Variants in SIM1 observed in about 807,000 individuals in gnomAD.
SIM1 encodes the protein SIM bHLH transcription factor 1.
SIM1 carries 18 observed loss-of-function variants against 78.2 expected under a neutral mutation model. The observed-to-expected ratio is 0.23, with a 90% CI of 0.16 to 0.34. SIM1 has a LOEUF of 0.34. SIM1 is among the 10% of genes least tolerant of loss of function. SIM1 has a pLI of 1.00. For missense variants in SIM1, 939 were observed against 975.1 expected (o/e 0.96, Z 0.49); for synonymous variants, 417 against 385.2 (o/e 1.08, Z -0.97).
At chr6:100,434,901 G>C (rs1039229223) in intron 9 of SIM1, among the ~76,000 whole-genome samples, 10 of 152,118 alleles carry the variant, frequency 6.6e-5, no homozygotes, top group African/African-American at 2.4e-4. Context: ...GCGGGGGTGG[G>C]GGAAGGATCC....
rs1277145525 is a variant in SIM1, at chr6:100,420,703, A to C, written c.1167+87T>G. 3.1e-6 allele frequency: 4 copies of C among 1,297,206 alleles called. No individual in the cohort carries two copies. In the Admixed American group the frequency reaches 7.1e-5, roughly 23 times the overall value. The allele number at this position is 1,297,206 out of a possible 1,614,324, so 80.4% of individuals were successfully genotyped here. ...TTTAGTTATTAAAACTAGATAATTC[A>C]TTCCAAATAGTTTTAATACTTTCTC... On this transcript the variant is annotated intron_variant, in intron 10 of 11. Transcript: ENST00000369208.
intron 10 of SIM1, among the ~76,000 whole-genome samples, chr6:100,404,751 C>T (rs1306725728): frequency 6.6e-6 from 1 of 152,002 alleles, no homozygotes; most frequent in Non-Finnish European, 1.5e-5. Context: ...TTGGAAATTG[C>T]CAGGAGTTTT....
At chr6:100,409,158 G>T (rs1423179778) in intron 10 of SIM1, among the ~76,000 whole-genome samples, 2 of 152,008 alleles carry the variant, frequency 1.3e-5, no homozygotes, top group Admixed American at 1.3e-4. Flanking sequence ...CAACGTGCAG[G>T]TTAGTTACAT....
At chr6:100,447,137 C>A in intron 9 of SIM1, 131 bp downstream of exon 9, 1 of 965,384 alleles carries the variant, frequency 1.0e-6, no homozygotes, top group Non-Finnish European at 1.5e-6. Flanking sequence ...CTTGGCGCAG[C>A]CAGCACTCGA....
At chr6:100,459,866 C>A (rs183755478) in intron 2 of SIM1, among the ~76,000 whole-genome samples, 8 of 152,314 alleles carry the variant, frequency 5.3e-5, no homozygotes, top group African/African-American at 1.7e-4. Context: ...ATATGTATGT[C>A]TTTCTAGTTG....
chr6:100,391,374 A>G (rs1770636109), intron 11 of SIM1, among the ~76,000 whole-genome samples: 1 of 152,226 alleles, frequency 6.6e-6, no homozygotes, highest in Admixed American at 6.5e-5. Context: ...GACAATTAGC[A>G]AAATGGTAAA....
intron 8 of SIM1, 60 bp downstream of exon 8, chr6:100,448,086 C>CA: frequency 3.6e-6 from 5 of 1,379,038 alleles, no homozygotes; most frequent in Non-Finnish European, 3.0e-6. Context: ...GTGGCTCCCC[C>CA]ACCCCCTAAC....
At chr6:100,425,244 C>A (rs1771696402) in intron 9 of SIM1, among the ~76,000 whole-genome samples, 1 of 152,176 alleles carries the variant, frequency 6.6e-6, no homozygotes, top group South Asian at 2.1e-4. Context: ...GACTGTAAGT[C>A]CAATTAAACC....
chr6:100,438,193 A>C (rs1562250724), intron 9 of SIM1, among the ~76,000 whole-genome samples: 1 of 152,242 alleles, frequency 6.6e-6, no homozygotes, highest in East Asian at 1.9e-4. Flanking sequence ...ATTGGAAGAA[A>C]ATATTTGCAA....
chr6:100,436,702 T>C (rs1772059398), intron 9 of SIM1, among the ~76,000 whole-genome samples: 1 of 151,976 alleles, frequency 6.6e-6, no homozygotes, highest in South Asian at 2.1e-4. Flanking sequence ...TTTGTTGTTG[T>C]CGTTGTTTTT....
At chr6:100,462,067 T>C (rs1044457539) in intron 2 of SIM1, among the ~76,000 whole-genome samples, 14 of 152,084 alleles carry the variant, frequency 9.2e-5, no homozygotes, top group Admixed American at 8.5e-4. Context: ...TTTGCAGGCT[T>C]TTTGACTTAG....
At chr6:100,451,603 G>C (rs955418698) in intron 3 of SIM1, among the ~76,000 whole-genome samples, 1 of 152,154 alleles carries the variant, frequency 6.6e-6, no homozygotes, top group Non-Finnish European at 1.5e-5. Flanking sequence ...GGAGATCAGA[G>C]AAGGCAGCTG....
At chr6:100,421,314 A>C (rs1771574793) in intron 9 of SIM1, among the ~76,000 whole-genome samples, 1 of 152,182 alleles carries the variant, frequency 6.6e-6, no homozygotes, top group Non-Finnish European at 1.5e-5. Context: ...GTCTACCACC[A>C]ATATAAGGAG....
intron 2 of SIM1, among the ~76,000 whole-genome samples, chr6:100,454,870 T>A (rs1254850999): frequency 6.6e-6 from 1 of 152,176 alleles, no homozygotes; most frequent in Non-Finnish European, 1.5e-5. Flanking sequence ...GTTAAGCTAT[T>A]TATGAGTATT....
Position 100,388,395 on chromosome 6 carries a change from C to A in SIM1, c.*1966G>T, listed in dbSNP as rs945260755. On this transcript the variant is annotated 3_prime_UTR_variant, in exon 12 of 12. Coordinates refer to ENST00000369208, the MANE Select transcript of SIM1 (RefSeq NM_005068.3). ...CATAAGTGAATCTGCACAGTTCAAACCCATGTTATTCAAGGGTCAACTGCA... is the reference window on the plus strand; with the variant it reads ...CATAAGTGAATCTGCACAGTTCAAAACCATGTTATTCAAGGGTCAACTGCA... 6.6e-6 allele frequency: 1 copy of A among 152,158 alleles called. No homozygotes were observed. Among genetic ancestry groups the A allele is most frequent in the Non-Finnish European group, 1.5e-5 (1 of 68,024 alleles). 9.4% of individuals were successfully genotyped at this position (152,158 alleles called of 1,614,324 possible).
At chr6:100,408,896 T>G (rs1226642334) in intron 10 of SIM1, among the ~76,000 whole-genome samples, 2 of 152,128 alleles carry the variant, frequency 1.3e-5, no homozygotes, top group Non-Finnish European at 1.5e-5. Context: ...CCTTTTTGGC[T>G]TCAGTATCAG....
chr6:100,450,847 CA>C (rs1772498052), intron 3 of SIM1, among the ~76,000 whole-genome samples: 1 of 151,976 alleles, frequency 6.6e-6, no homozygotes, highest in Non-Finnish European at 1.5e-5. Context: ...GGCTGGCAGT[CA>C]AAAGTTTGTA....
At chr6:100,391,209 A>G in intron 11 of SIM1, 118 bp from the exon 12 acceptor site, 1 of 1,108,964 alleles carries the variant, frequency 9.0e-7, no homozygotes, top group Non-Finnish European at 1.2e-6. Context: ...ATGCACCAAT[A>G]TTTGAAACAG....
Position 100,398,450 on chromosome 6 carries a change from T to A in SIM1, c.1168-4561A>T, listed in dbSNP as rs79666620. Among the ~76,000 whole-genome samples, 1,488 of 152,236 alleles carry A rather than the reference T, an allele frequency of 9.8e-3. 26 individuals carry two copies. The highest frequency in any genetic ancestry group is 0.034 in the African/African-American group (1,413 of 41,552). On this transcript the variant is annotated intron_variant, in intron 10 of 11. Transcript: ENST00000369208. Reference sequence around the variant, plus strand: ...CTCCCCATTCCGTCTTCCCTTCAGTTCCTTAACAACCACCATTCTAATTTC... The same window carrying A: ...CTCCCCATTCCGTCTTCCCTTCAGTACCTTAACAACCACCATTCTAATTTC...
Sources: allele counts gnomAD v4.1 joint callset (sites outside exome capture counted in the v4.1 genomes callset), GRCh38; gene constraint gnomAD v4.1.1; transcripts MANE v1.5; gene names NCBI Gene and HGNC (gene_info 2026-07-23, HGNC 2026-07-21).